The following USP43 variants were observed in gnomAD, a reference collection of about 807,000 sequenced individuals.
USP43 encodes the protein ubiquitin carboxyl-terminal hydrolase 43.
In USP43, 33 loss-of-function variants were observed where a neutral mutation model predicts 90.7. That is an observed-to-expected ratio of 0.36 (90% confidence interval 0.28 to 0.49). The LOEUF (loss-of-function observed/expected upper bound fraction) is 0.49. Among genes scored for constraint, USP43 ranks in the 20% least tolerant of loss-of-function variants. USP43 has a pLI of 0.98. For missense variants in USP43, 1,274 were observed against 1,476.4 expected (o/e 0.86, Z 2.25); for synonymous variants, 598 against 615.8 (o/e 0.97, Z 0.43).
At chr17:9,723,321 C>A (rs1036151594) in intron 14 of USP43, among the ~76,000 whole-genome samples, 2 of 152,204 alleles carry the variant, frequency 1.3e-5, no homozygotes, top group Non-Finnish European at 2.9e-5. Context: ...TTCAACCTTA[C>A]CTAGAACTTG....
Position 9,728,808 on chromosome 17 carries a change from T to G in USP43, c.3190T>G (p.Trp1064Gly). ...GLGSRLERDV[W>G]SAPSSLRLPR... ...GGGCAGCCGGCTCGAGAGGGATGTCTGGTCAGCCCCCAGCTCTCTCCGCCT... is the reference window on the plus strand; with the variant it reads ...GGGCAGCCGGCTCGAGAGGGATGTCGGGTCAGCCCCCAGCTCTCTCCGCCT... The change falls in exon 15 of 15, where the codon TGG (tryptophan) becomes GGG (glycine). Residue 1064 changes from tryptophan (W) to glycine (G), a missense_variant. Trp to Gly is a radical substitution (Grantham distance 184). Coordinates refer to ENST00000285199, the MANE Select transcript of USP43 (RefSeq NM_153210.5). This position sits in a 1 kb window ranked among gnomAD's most constrained non-coding sequence, Gnocchi z 6.2. 6.2e-7 allele frequency: 1 copy of G among 1,612,794 alleles called. No individual in the cohort carries two copies. Among genetic ancestry groups the G allele is most frequent in the Non-Finnish European group, 8.5e-7 (1 of 1,179,364 alleles).
chr17:9,648,328 G>C (rs1382027703), intron 1 of USP43, among the ~76,000 whole-genome samples: 1 of 152,132 alleles, frequency 6.6e-6, no homozygotes, highest in Non-Finnish European at 1.5e-5. Flanking sequence ...GGAAACATTC[G>C]TTCAACAAAT....
At chr17:9,655,076 A>G (rs980263027) in intron 1 of USP43, among the ~76,000 whole-genome samples, 9 of 148,592 alleles carry the variant, frequency 6.1e-5, no homozygotes, top group Non-Finnish European at 1.3e-4. Context: ...AAATTAAAAG[A>G]AAGAAAGGAA....
intron 12 of USP43, among the ~76,000 whole-genome samples, chr17:9,702,341 C>G (rs1009289649): frequency 6.6e-6 from 1 of 152,206 alleles, no homozygotes; most frequent in Non-Finnish European, 1.5e-5. Context: ...CAGAGCGAGA[C>G]CGTGTCTCCA....
chr17:9,682,876 C>T lies in USP43; in HGVS notation c.1159C>T (p.Arg387Ter), dbSNP rs774698082. 4 of 1,613,976 alleles carry T rather than the reference C, an allele frequency of 2.5e-6. No individual in the cohort carries two copies. The highest frequency in any genetic ancestry group is 2.5e-6 in the Non-Finnish European group (3 of 1,179,872). Residue 387 changes from arginine to a stop codon, truncating the protein, a stop_gained, in exon 7 of 15, where the codon CGA becomes TGA. Transcript: ENST00000285199. LOFTEE classifies it high-confidence loss of function. ...SPRLAAREGQ[R>*]FSLSLHSESK... ...ACGCCTGGCAGCCCGTGAGGGCCAG[C>T]GATTCTCCCTCTCTCTCCACAGTGA...
intron 5 of USP43, among the ~76,000 whole-genome samples, chr17:9,677,721 C>T (rs1913880491): frequency 6.6e-6 from 1 of 152,222 alleles, no homozygotes; most frequent in South Asian, 2.1e-4. Context: ...TGGAAATTGA[C>T]ACTTCCCTGA....
intron 2 of USP43, among the ~76,000 whole-genome samples, chr17:9,665,004 A>G (rs1201248944): frequency 6.6e-6 from 1 of 152,160 alleles, no homozygotes; most frequent in Non-Finnish European, 1.5e-5. Context: ...TGATTCTGGG[A>G]TTGCCCTTAG....
chr17:9,701,038 GT>G lies in USP43; in HGVS notation c.1536-78del. The G allele has an allele frequency of 7.1e-7, 1 of 1,412,022 alleles. No homozygotes were observed. The highest frequency in any genetic ancestry group is 2.6e-5 in the East Asian group (1 of 38,664). 87.5% of individuals were successfully genotyped at this position (1,412,022 alleles called of 1,614,324 possible). ...TGGCCTGGCCAATGTCTGCTGACGG[GT>G]TTGCTGTGAGTAGAGACATAGACGA... On this transcript the variant is annotated intron_variant, in intron 10 of 14. Transcript: ENST00000285199. This position sits in a 1 kb window ranked among gnomAD's most constrained non-coding sequence, Gnocchi z 7.2.
At chr17:9,695,429 G>A (rs564274753) in intron 9 of USP43, among the ~76,000 whole-genome samples, 1 of 152,066 alleles carries the variant, frequency 6.6e-6, no homozygotes, top group South Asian at 2.1e-4. Flanking sequence ...CGCCTCCTGG[G>A]TTCAAGCAAT....
chr17:9,698,291 G>T (rs1226255767), intron 9 of USP43, among the ~76,000 whole-genome samples: 1 of 152,142 alleles, frequency 6.6e-6, no homozygotes, highest in Non-Finnish European at 1.5e-5. Context: ...TCTTTATTCT[G>T]TTGATAGCTT....
chr17:9,727,328 C>T (rs369842858), intron 14 of USP43, among the ~76,000 whole-genome samples: 154 of 152,178 alleles, frequency 1.0e-3, no homozygotes, highest in African/African-American at 3.6e-3. Context: ...AAAAAAAATC[C>T]ATCACAAACA....
intron 9 of USP43, among the ~76,000 whole-genome samples, chr17:9,695,839 A>T (rs769595875): frequency 3.3e-5 from 5 of 152,168 alleles, no homozygotes; most frequent in Non-Finnish European, 7.3e-5. Flanking sequence ...GAATTTGACA[A>T]CTGTAGATGC....
chr17:9,661,508 C>T (rs967045211), intron 2 of USP43, among the ~76,000 whole-genome samples: 2 of 152,108 alleles, frequency 1.3e-5, no homozygotes, highest in African/African-American at 4.8e-5. Flanking sequence ...TACAGGGATG[C>T]ACCACCACAC....
At chr17:9,672,875 C>T (rs998766976) in intron 3 of USP43, among the ~76,000 whole-genome samples, 1 of 152,206 alleles carries the variant, frequency 6.6e-6, no homozygotes, top group Non-Finnish European at 1.5e-5. Flanking sequence ...TCGGGCGACA[C>T]TCTCCTGTTT....
rs1465243695 is a variant in USP43 at position 9,674,805 on chromosome 17, A to G, written c.741-86A>G. 2.7e-6 allele frequency: 3 copies of G among 1,105,312 alleles called. No individual in the cohort carries two copies. In the East Asian group the frequency reaches 7.1e-5, roughly 26 times the overall value. The allele number at this position is 1,105,312 out of a possible 1,614,324, so 68.5% of individuals were successfully genotyped here. ...CTACGAGTGGAATCACAGGGAGTGG[A>G]AATGCAAGGATAATTCTGTATTGAA... On this transcript the variant is annotated intron_variant, in intron 3 of 14. Transcript: ENST00000285199. This position sits in a 1 kb window ranked among gnomAD's most constrained non-coding sequence, Gnocchi z 4.4.
intron 12 of USP43, among the ~76,000 whole-genome samples, chr17:9,703,474 T>G (rs1915691987): frequency 6.6e-6 from 1 of 151,494 alleles, no homozygotes; most frequent in Non-Finnish European, 1.5e-5. Context: ...ATTTTGGGGG[T>G]GGTGGTATGG....
chr17:9,694,494 GA>G (rs2151984043), intron 9 of USP43, among the ~76,000 whole-genome samples: 1 of 152,284 alleles, frequency 6.6e-6, no homozygotes, highest in East Asian at 1.9e-4. Flanking sequence ...AAGCACTTAC[GA>G]ATGTTAAAGC....
At chr17:9,649,558 C>T (rs1397471917) in intron 1 of USP43, among the ~76,000 whole-genome samples, 1 of 151,106 alleles carries the variant, frequency 6.6e-6, no homozygotes, top group African/African-American at 2.4e-5. Context: ...TTCTCAGTGT[C>T]TATTGTTCCC....
chr17:9,667,425 TA>T (rs1357734751), intron 3 of USP43, among the ~76,000 whole-genome samples: 1 of 151,908 alleles, frequency 6.6e-6, no homozygotes, highest in Non-Finnish European at 1.5e-5. Flanking sequence ...AAACAAACAA[TA>T]AAAAAAGTTA....
Sources: gnomAD v4.1 joint callset for allele counts (sites outside exome capture counted in the v4.1 genomes callset) on GRCh38, gnomAD v4.1.1 for gene constraint, Gnocchi (gnomAD v3.1) non-coding constraint, MANE v1.5 for transcripts, NCBI Gene and HGNC (gene_info 2026-07-23, HGNC 2026-07-21) for gene names.